NT5M: variants seen among roughly 807,000 people sequenced by gnomAD.
NT5M encodes the protein 5'(3')-deoxyribonucleotidase, mitochondrial.
A neutral mutation model predicts 22.2 loss-of-function variants in NT5M; 22 were observed. The ratio of observed to expected loss-of-function variants is 0.99; its 90% CI spans 0.71 to 1.41. NT5M has a LOEUF of 1.41. Among genes scored for constraint, NT5M ranks in the 40% most tolerant of loss-of-function variants. The pLI is 0.00. For synonymous variants in NT5M, 167 were observed against 133.0 expected (o/e 1.26, Z -1.76); for missense variants, 322 against 314.8 (o/e 1.02, Z -0.17).
chr17:17,328,079 T>C (rs1456032003), intron 3 of NT5M, among the ~76,000 whole-genome samples: 1 of 152,138 alleles, frequency 6.6e-6, no homozygotes, highest in African/African-American at 2.4e-5. Flanking sequence ...CGGGTATATA[T>C]CACACAGAAA....
At chr17:17,326,823 A>G (rs921785717) in intron 3 of NT5M, among the ~76,000 whole-genome samples, 9 of 152,220 alleles carry the variant, frequency 5.9e-5, no homozygotes, top group Non-Finnish European at 1.2e-4. Flanking sequence ...AAACTAAACG[A>G]AAGAGCAAAG....
chr17:17,335,609 A>G (rs1204507654), intron 3 of NT5M, among the ~76,000 whole-genome samples: 1 of 150,772 alleles, frequency 6.6e-6, no homozygotes, highest in Non-Finnish European at 1.5e-5. Flanking sequence ...AGACAATCCA[A>G]TTATATTCTT....
At chr17:17,313,456 C>T (rs1377651762) in intron 2 of NT5M, among the ~76,000 whole-genome samples, 1 of 152,138 alleles carries the variant, frequency 6.6e-6, no homozygotes, top group Non-Finnish European at 1.5e-5. Context: ...TCAGTTTGTG[C>T]CCAGTATCTA....
intron 3 of NT5M, among the ~76,000 whole-genome samples, chr17:17,343,648 G>T (rs921529543): frequency 6.6e-6 from 1 of 152,138 alleles, no homozygotes; most frequent in African/African-American, 2.4e-5. Context: ...CTCTGCCCCA[G>T]GGTGGCAGAG....
intron 2 of NT5M, among the ~76,000 whole-genome samples, chr17:17,307,187 A>C (rs2048821967): frequency 6.6e-6 from 1 of 152,166 alleles, no homozygotes; most frequent in South Asian, 2.1e-4. Context: ...AAGAAGAGCG[A>C]AACTCCATCT....
At chr17:17,309,931 T>C (rs2048890376) in intron 2 of NT5M, among the ~76,000 whole-genome samples, 1 of 151,778 alleles carries the variant, frequency 6.6e-6, no homozygotes, top group African/African-American at 2.4e-5. Flanking sequence ...TTCATGCCAT[T>C]CTCCTGCCTC....
intron 2 of NT5M, among the ~76,000 whole-genome samples, chr17:17,318,345 T>C (rs569196312): frequency 1.5e-3 from 235 of 151,940 alleles, no homozygotes; most frequent in African/African-American, 5.0e-3. Context: ...CCAGGCTTGG[T>C]GGCAGGCACC....
At chr17:17,343,780 G>A (rs918887860) in intron 3 of NT5M, among the ~76,000 whole-genome samples, 3 of 152,172 alleles carry the variant, frequency 2.0e-5, no homozygotes, top group Non-Finnish European at 4.4e-5. Context: ...TCTGCTGCTG[G>A]TTAACCTCTG....
At chr17:17,324,603 G>A (rs923504756) in intron 3 of NT5M, among the ~76,000 whole-genome samples, 1 of 151,960 alleles carries the variant, frequency 6.6e-6, no homozygotes, top group African/African-American at 2.4e-5. Context: ...CATTATGTGG[G>A]TGCTTGGTGC....
Position 17,347,212 on chromosome 17 carries a change from A to G in NT5M, c.*265A>G. 4.0e-6 allele frequency: 2 copies of G among 504,050 alleles called. No homozygotes were observed. The highest frequency in any genetic ancestry group is 3.7e-5 in the Admixed American group (1 of 27,214). 31.2% of individuals were successfully genotyped at this position (504,050 alleles called of 1,614,324 possible). A position where few individuals can be genotyped will look rare whatever the true frequency, so the allele number is the denominator to read the frequency against. ...AGGCAGCAGGCACCAAGCTGCCAGA[A>G]GCCCAGGGGCTCAGGACAGGGAGGA... is the stretch of plus-strand genomic sequence containing the variant. On this transcript the variant is annotated 3_prime_UTR_variant, in exon 5 of 5. Transcript: ENST00000389022.
At chr17:17,321,890 C>T (rs905225866) in intron 2 of NT5M, among the ~76,000 whole-genome samples, 4 of 151,924 alleles carry the variant, frequency 2.6e-5, no homozygotes, top group South Asian at 2.1e-4. Context: ...TTTGCTGAAG[C>T]GTCGTGGGTG....
chr17:17,342,217 A>C (rs1207522237), intron 3 of NT5M, among the ~76,000 whole-genome samples: 3 of 152,206 alleles, frequency 2.0e-5, no homozygotes, highest in Non-Finnish European at 4.4e-5. Flanking sequence ...GGTTTCTAGA[A>C]TACATTAACT....
intron 3 of NT5M, among the ~76,000 whole-genome samples, chr17:17,338,884 G>A (rs1264685812): frequency 1.3e-5 from 2 of 151,550 alleles, no homozygotes; most frequent in Non-Finnish European, 2.9e-5. Context: ...CCGCCACCAC[G>A]CCCAGCTAAT....
At chr17:17,325,748 G>A (rs943443918) in intron 3 of NT5M, among the ~76,000 whole-genome samples, 1 of 152,106 alleles carries the variant, frequency 6.6e-6, no homozygotes, top group East Asian at 1.9e-4. Context: ...CCCCCTCTCT[G>A]TGTGCTTCTC....
In NT5M at chr17:17,324,967, C is replaced by T. The variant is rs141271706; in HGVS notation, c.429+1722C>T. On this transcript the variant is annotated intron_variant, in intron 3 of 4. Coordinates refer to ENST00000389022, the MANE Select transcript of NT5M (RefSeq NM_020201.4). ...GTGGGCCAGGCCCACTGTTTCAGGT[C>T]GAGCAGTGATCCCAAAGTGAGTCCT... 1.4e-4 allele frequency among the ~76,000 whole-genome samples: 22 copies of T among 152,292 alleles called. No homozygotes were observed. In the South Asian group the frequency reaches 3.9e-3, roughly 27 times the overall value.
chr17:17,342,373 C>T (rs1165627308), intron 3 of NT5M, among the ~76,000 whole-genome samples: 2 of 152,138 alleles, frequency 1.3e-5, no homozygotes, highest in Non-Finnish European at 2.9e-5. Flanking sequence ...CCCACGCAAA[C>T]CCTTTCTGCA....
At chr17:17,323,537 A>G (rs578188300) in intron 3 of NT5M, among the ~76,000 whole-genome samples, 58 of 152,372 alleles carry the variant, frequency 3.8e-4, no homozygotes, top group African/African-American at 1.4e-3. Context: ...ACGTGGATGC[A>G]TTAACATGAA....
chr17:17,327,590 T>C (rs2049291387), intron 3 of NT5M, among the ~76,000 whole-genome samples: 1 of 106,016 alleles, frequency 9.4e-6, no homozygotes, highest in African/African-American at 3.3e-5. Flanking sequence ...CAATCTCAGC[T>C]CACTTCAACC....
intron 1 of NT5M, 112 bp downstream of exon 1, chr17:17,303,929 T>G (rs2048737117): frequency 2.3e-6 from 3 of 1,316,926 alleles, no homozygotes; most frequent in Non-Finnish European, 2.9e-6. Context: ...GGGGTGGCCC[T>G]CTGATAGAAT....
Sources: allele counts gnomAD v4.1 joint callset (sites outside exome capture counted in the v4.1 genomes callset), GRCh38; gene constraint gnomAD v4.1.1; transcripts MANE v1.5; gene names NCBI Gene and HGNC (gene_info 2026-07-23, HGNC 2026-07-21).